MBNL1: variants seen among roughly 807,000 people sequenced by gnomAD.
MBNL1 encodes the protein muscleblind like splicing regulator 1.
In MBNL1, 8 loss-of-function variants were observed where a neutral mutation model predicts 42.2. That is an observed-to-expected ratio of 0.19 (90% CI 0.11 to 0.34). The LOEUF is 0.34. Among genes scored for constraint, MBNL1 ranks in the 10% least tolerant of loss-of-function variants. MBNL1 has a pLI of 1.00. For synonymous variants in MBNL1, 169 were observed against 173.9 expected (o/e 0.97, Z 0.22); for missense variants, 309 against 495.3 (o/e 0.62, Z 3.57).
chr3:152,441,639 T>C (rs941088089), intron 4 of MBNL1, among the ~76,000 whole-genome samples: 1 of 152,260 alleles, frequency 6.6e-6, no homozygotes, highest in African/African-American at 2.4e-5. Flanking sequence ...TAGATGTTTT[T>C]CTGGAAATAG....
At chr3:152,338,357 T>C (rs1262245502) in intron 2 of MBNL1, 1 of 985,366 alleles carries the variant, frequency 1.0e-6, no homozygotes, top group Non-Finnish European at 1.2e-6. Flanking sequence ...GAACCTTGGG[T>C]TCTGTGATGG....
At chr3:152,365,465 A>G (rs2096296099) in intron 2 of MBNL1, among the ~76,000 whole-genome samples, 1 of 152,104 alleles carries the variant, frequency 6.6e-6, no homozygotes, top group Non-Finnish European at 1.5e-5. Context: ...TCCCTTTTCA[A>G]ATTTTGATAC....
intron 2 of MBNL1, among the ~76,000 whole-genome samples, chr3:152,326,776 A>AAATT (rs1215097561): frequency 1.1e-4 from 10 of 88,336 alleles, no homozygotes; most frequent in Non-Finnish European, 2.2e-4. Flanking sequence ...TCCCTTGGGA[A>AAATT]AATTATTTAT....
chr3:152,247,086 T>C (rs1022895232), intron 2 of MBNL1, among the ~76,000 whole-genome samples: 1 of 152,178 alleles, frequency 6.6e-6, no homozygotes, highest in African/African-American at 2.4e-5. Flanking sequence ...GCTGTTTTGT[T>C]TCCTCTTCTT....
chr3:152,453,270 C>T (rs1017596060), intron 6 of MBNL1, among the ~76,000 whole-genome samples: 7 of 152,116 alleles, frequency 4.6e-5, no homozygotes, highest in African/African-American at 1.7e-4. Context: ...CTCTCTTCTA[C>T]TTACTTCCCT....
At position 152,293,064 on chromosome 3, in the gene MBNL1, G is replaced by A. The variant is rs112988539; in HGVS notation, c.-789-6341G>A. Among the ~76,000 whole-genome samples, 1,381 of 152,156 alleles carry A rather than the reference G, an allele frequency of 9.1e-3. 25 individuals carry two copies. Among genetic ancestry groups the A allele is most frequent in the African/African-American group, 0.031 (1,295 of 41,512 alleles). ...TTACAGGCGTGAGCCACGGTGCCCG[G>A]CCCTTTAAATTTGTAAATTAAACTT... On this transcript the variant is annotated intron_variant, in intron 1 of 9. Coordinates refer to ENST00000324210, the MANE Select transcript of MBNL1 (RefSeq NM_021038.5).
intron 2 of MBNL1, among the ~76,000 whole-genome samples, chr3:152,408,165 T>TA (rs1175404442): frequency 2.0e-5 from 3 of 152,144 alleles, no homozygotes; most frequent in Non-Finnish European, 4.4e-5. Flanking sequence ...ACAATAGTGT[T>TA]AATATGAAAA....
chr3:152,313,182 C>T (rs2068044044), intron 2 of MBNL1, among the ~76,000 whole-genome samples: 1 of 152,156 alleles, frequency 6.6e-6, no homozygotes, highest in South Asian at 2.1e-4. Context: ...ACCACCACAC[C>T]TGGCTGATTT....
intron 3 of MBNL1, among the ~76,000 whole-genome samples, chr3:152,425,351 T>C (rs1288223365): frequency 6.6e-6 from 1 of 151,852 alleles, no homozygotes; most frequent in East Asian, 1.9e-4. Flanking sequence ...GGTCCGGGTG[T>C]GGTGGCTCAC....
In MBNL1 at chr3:152,286,581, TTTAA is replaced by T. The variant is rs891937664; in HGVS notation, c.-789-12820_-789-12817del. On this transcript the variant is annotated intron_variant, in intron 1 of 9. Transcript: ENST00000324210. ...TTATATTTTATTTATAATATAAATA[TTTAA>T]TTATATTTTATAGGTTGAATAGGTT... Among the ~76,000 whole-genome samples, 108 of 144,380 alleles carry T rather than the reference TTTAA, an allele frequency of 7.5e-4. 1 individual carries two copies. Among genetic ancestry groups the T allele is most frequent in the Non-Finnish European group, 7.5e-4 (50 of 66,532 alleles). 94.7% of individuals were successfully genotyped at this position (144,380 alleles called of 152,430 possible). A position where few individuals can be genotyped will look rare whatever the true frequency, so the allele number is the denominator to read the frequency against.
rs138097622 is a variant in MBNL1, at chr3:152,448,086, A to G, written c.961+313A>G. ...TTATATATGTCTGTCAAGCTATTTTATGATACTTTCTTGCTGTAAGACCCC... is the reference window on the plus strand; with the variant it reads ...TTATATATGTCTGTCAAGCTATTTTGTGATACTTTCTTGCTGTAAGACCCC... On this transcript the variant is annotated intron_variant, in intron 6 of 9. Transcript: ENST00000324210. 7.2e-5 allele frequency among the ~76,000 whole-genome samples: 11 copies of G among 152,226 alleles called. No individual in the cohort carries two copies. The East Asian group carries it at 2.1e-3, about 29-fold the overall frequency.
At chr3:152,379,983 A>T (rs565779736) in intron 2 of MBNL1, among the ~76,000 whole-genome samples, 2 of 152,152 alleles carry the variant, frequency 1.3e-5, no homozygotes, top group South Asian at 4.1e-4. Flanking sequence ...CAAGACTGCT[A>T]TTCCTAGCCC....
intron 1 of MBNL1, among the ~76,000 whole-genome samples, chr3:152,290,916 T>A (rs879638673): frequency 6.6e-6 from 1 of 152,184 alleles, no homozygotes; most frequent in African/African-American, 2.4e-5. Flanking sequence ...CCATTCTTCC[T>A]GAAAATTGCC....
At chr3:152,416,781 G>A (rs1050748355) in intron 3 of MBNL1, among the ~76,000 whole-genome samples, 1 of 152,140 alleles carries the variant, frequency 6.6e-6, no homozygotes, top group East Asian at 1.9e-4. Flanking sequence ...GGGACAAACT[G>A]TAAACAATAT....
chr3:152,400,451 A>C (rs1364455309), intron 2 of MBNL1, among the ~76,000 whole-genome samples: 1 of 152,230 alleles, frequency 6.6e-6, no homozygotes, highest in Non-Finnish European at 1.5e-5. Context: ...ATTGTATAGA[A>C]TCTATTATTA....
At chr3:152,317,125 A>C (rs1171674127) in intron 2 of MBNL1, among the ~76,000 whole-genome samples, 1 of 152,148 alleles carries the variant, frequency 6.6e-6, no homozygotes, top group African/African-American at 2.4e-5. Flanking sequence ...CCTTGGTTGT[A>C]GTTAGCAGGT....
In MBNL1 at chr3:152,448,107, A is replaced by G. The variant is rs142651317; in HGVS notation, c.961+334A>G. Among the ~76,000 whole-genome samples the G allele has an allele frequency of 1.1e-4, 17 of 152,154 alleles. No individual in the cohort carries two copies. The East Asian group carries it at 3.1e-3, about 28-fold the overall frequency. The stretch of plus-strand genomic sequence containing the variant: ...TTTTATGATACTTTCTTGCTGTAAG[A>G]CCCCTTTGCCTTCATTATTCCATAG... On this transcript the variant is annotated intron_variant, in intron 6 of 9. Coordinates refer to ENST00000324210, the MANE Select transcript of MBNL1 (RefSeq NM_021038.5).
intron 1 of MBNL1, among the ~76,000 whole-genome samples, chr3:152,272,747 T>C (rs2042636787): frequency 6.6e-6 from 1 of 152,194 alleles, no homozygotes; most frequent in Admixed American, 6.5e-5. Context: ...TTTCTATACA[T>C]GGAGACACTG....
At chr3:152,417,545 G>T (rs945080875) in intron 3 of MBNL1, among the ~76,000 whole-genome samples, 1 of 152,072 alleles carries the variant, frequency 6.6e-6, no homozygotes, top group Non-Finnish European at 1.5e-5. Context: ...CTTCTCTAGG[G>T]CCAGTTTAGC....
Sources: allele counts gnomAD v4.1 joint callset (sites outside exome capture counted in the v4.1 genomes callset), GRCh38; gene constraint gnomAD v4.1.1; transcripts MANE v1.5; gene names NCBI Gene and HGNC (gene_info 2026-07-23, HGNC 2026-07-21).